STAU1: variants seen among roughly 807,000 people sequenced by gnomAD.
STAU1 encodes double-stranded RNA-binding protein Staufen homolog 1.
In STAU1, 13 loss-of-function variants were observed where a neutral mutation model predicts 62.9. That is an observed-to-expected ratio of 0.21 (90% CI 0.13 to 0.33). The LOEUF (loss-of-function observed/expected upper bound fraction) is 0.33, where lower values mean the gene tolerates loss of function less well. Among genes scored for constraint, STAU1 ranks in the 10% least tolerant of loss-of-function variants. The pLI is 1.00. For synonymous variants in STAU1, 269 were observed against 265.1 expected (o/e 1.01, Z -0.14); for missense variants, 571 against 712.1 (o/e 0.80, Z 2.25).
chr20:49,213,463 C>T, the STAU1 span, among the ~76,000 whole-genome samples: 49 of 152,176 alleles, frequency 3.2e-4, no homozygotes, highest in African/African-American at 1.1e-3. Context: ...CTCCTGACCT[C>T]GTGATCCACC....
upstream of STAU1, among the ~76,000 whole-genome samples, chr20:49,192,791 A>T (rs1285902161): frequency 3.3e-5 from 5 of 152,142 alleles, no homozygotes; most frequent in Non-Finnish European, 5.9e-5. Context: ...TGAGACCCTG[A>T]CTCAAAAAAT....
chr20:49,195,461 C>A, the STAU1 span, among the ~76,000 whole-genome samples: 1 of 132,096 alleles, frequency 7.6e-6, no homozygotes, highest in Non-Finnish European at 1.6e-5. Context: ...TGGCGTGAAC[C>A]CGGGAGGCGG....
At chr20:49,130,700 T>C (rs988168269) in intron 6 of STAU1, among the ~76,000 whole-genome samples, 5 of 152,166 alleles carry the variant, frequency 3.3e-5, no homozygotes, top group African/African-American at 1.2e-4. Flanking sequence ...AAATCATAAT[T>C]TTGACATCTA....
intron 6 of STAU1, among the ~76,000 whole-genome samples, chr20:49,131,297 G>A (rs76849857): frequency 0.013 from 2,054 of 152,196 alleles, 55 homozygotes; most frequent in African/African-American, 0.047. Context: ...ACACTAGAGC[G>A]GAAGAAACAT....
intron 5 of STAU1, among the ~76,000 whole-genome samples, chr20:49,150,507 G>A (rs933455312): frequency 6.6e-5 from 10 of 151,876 alleles, no homozygotes; most frequent in East Asian, 5.8e-4. Context: ...GACTACAGGC[G>A]CCCACCACCA....
intron 3 of STAU1, among the ~76,000 whole-genome samples, chr20:49,157,706 T>C (rs1439591451): frequency 3.9e-5 from 6 of 151,948 alleles, no homozygotes; most frequent in African/African-American, 1.4e-4. Flanking sequence ...TCTTGGTCTC[T>C]TGACCTTGTG....
chr20:49,147,698 A>C (rs1385412338), intron 5 of STAU1, among the ~76,000 whole-genome samples: 2 of 152,228 alleles, frequency 1.3e-5, no homozygotes, highest in African/African-American at 4.8e-5. Context: ...AAACAACCTA[A>C]ATAATCAAGT....
chr20:49,159,141 A>G, intron 3 of STAU1: 1 of 1,076,452 alleles, frequency 9.3e-7, no homozygotes, highest in Non-Finnish European at 1.1e-6. Context: ...GCTGAAGGGG[A>G]AAAAGCTAAA....
At chr20:49,196,122 TA>T in the STAU1 span, among the ~76,000 whole-genome samples, 197 of 80,276 alleles carry the variant, frequency 2.5e-3, no homozygotes, top group Middle Eastern at 0.02. Flanking sequence ...AGACTCCATC[TA>T]AAAAAAAAAA....
the STAU1 span, among the ~76,000 whole-genome samples, chr20:49,217,339 A>G: frequency 6.6e-6 from 1 of 152,052 alleles, no homozygotes; most frequent in Non-Finnish European, 1.5e-5. Flanking sequence ...CAAAGTACAA[A>G]CATGGTTCCT....
intron 1 of STAU1, among the ~76,000 whole-genome samples, chr20:49,182,519 C>T (rs1406038179): frequency 6.6e-6 from 1 of 152,170 alleles, no homozygotes; most frequent in East Asian, 1.9e-4. Flanking sequence ...CTTCATAATA[C>T]TGTATGGTAA....
intron 5 of STAU1, among the ~76,000 whole-genome samples, chr20:49,137,054 C>T (rs1461998217): frequency 6.6e-6 from 1 of 152,104 alleles, no homozygotes; most frequent in Non-Finnish European, 1.5e-5. Flanking sequence ...TGCCCCAGTA[C>T]TCAGCAAGGT....
chr20:49,162,449 C>T (rs766759628), intron 3 of STAU1, among the ~76,000 whole-genome samples: 7 of 152,116 alleles, frequency 4.6e-5, no homozygotes, highest in African/African-American at 9.7e-5. Flanking sequence ...GAAGATGCCA[C>T]GCAGCTGAGT....
chr20:49,212,744 G>C, the STAU1 span, among the ~76,000 whole-genome samples: 1 of 150,724 alleles, frequency 6.6e-6, no homozygotes, highest in African/African-American at 2.4e-5. Flanking sequence ...TTACAGGCAT[G>C]TGCCACCATG....
At chr20:49,126,588 C>CAAAAAAAAAAAAAAA in intron 6 of STAU1, among the ~76,000 whole-genome samples, 3 of 56,376 alleles carry the variant, frequency 5.3e-5, no homozygotes, top group Non-Finnish European at 1.1e-4. Context: ...AAAAAAAAAA[C>CAAAAAAAAAAAAAAA]AAAAAAAAAA....
At chr20:49,180,947 C>T (rs1004030079) in intron 1 of STAU1, among the ~76,000 whole-genome samples, 1 of 152,114 alleles carries the variant, frequency 6.6e-6, no homozygotes, top group Non-Finnish European at 1.5e-5. Context: ...AGCACCTAAG[C>T]ATAATTTAGA....
intron 7 of STAU1, among the ~76,000 whole-genome samples, 197 bp downstream of exon 7, chr20:49,124,178 T>C (rs2092537064): frequency 1.3e-5 from 2 of 152,186 alleles, no homozygotes; most frequent in Admixed American, 1.3e-4. Context: ...CGTCTGCGGG[T>C]ACCTCTACTG....
At chr20:49,148,006 T>C (rs2093164793) in intron 5 of STAU1, among the ~76,000 whole-genome samples, 1 of 152,248 alleles carries the variant, frequency 6.6e-6, no homozygotes, top group South Asian at 2.1e-4. Flanking sequence ...TTCCTTGTTT[T>C]TGAATTTAAA....
intron 3 of STAU1, among the ~76,000 whole-genome samples, chr20:49,161,282 A>ACAC (rs1325311929): frequency 2.0e-5 from 3 of 152,122 alleles, no homozygotes; most frequent in African/African-American, 7.2e-5. Flanking sequence ...AGACATGATC[A>ACAC]CACCACTCAC....
Sources: gnomAD v4.1 joint callset for allele counts (sites outside exome capture counted in the v4.1 genomes callset) on GRCh38, gnomAD v4.1.1 for gene constraint, MANE v1.5 for transcripts, NCBI Gene and HGNC (gene_info 2026-07-23, HGNC 2026-07-21) for gene names.